The following PGM1 variants were observed in gnomAD, a reference collection of about 807,000 sequenced individuals.
PGM1 encodes the protein phosphoglucomutase 1, also known as phosphoglucomutase-1.
Under a neutral mutation model 55.6 loss-of-function variants are expected in PGM1, and 52 were observed. The ratio of observed to expected loss-of-function variants is 0.94; its 90% CI spans 0.75 to 1.18. The LOEUF (loss-of-function observed/expected upper bound fraction) is 1.18. Among genes scored for constraint, PGM1 ranks in the 50% most tolerant of loss-of-function variants. PGM1 has a pLI of 0.00. For missense variants in PGM1, 724 were observed against 729.3 expected (o/e 0.99, Z 0.08); for synonymous variants, 287 against 271.7 (o/e 1.06, Z -0.55).
At chr1:63,621,091 A>G (rs59209915) in intron 1 of PGM1, among the ~76,000 whole-genome samples, 7,448 of 152,146 alleles carry the variant, frequency 0.049, 555 homozygotes, top group African/African-American at 0.17. Context: ...GTTGAGTTCT[A>G]TAGTGTTCAT....
chr1:63,631,582 A>G (rs1453764668), intron 3 of PGM1, 75 bp from the exon 4 acceptor site: 19 of 1,402,806 alleles, frequency 1.4e-5, no homozygotes, highest in Non-Finnish European at 1.9e-5. Flanking sequence ...GTTTACAGCA[A>G]TATAGTCACA....
Position 63,606,294 on chromosome 1 carries a change from C to G in PGM1, c.246+12560C>G, listed in dbSNP as rs564564187. Among the ~76,000 whole-genome samples, 3 of 152,324 alleles carry G rather than the reference C, an allele frequency of 2.0e-5. No homozygotes were observed. In the East Asian group the frequency reaches 5.8e-4, roughly 29 times the overall value. The stretch of plus-strand genomic sequence containing the variant: ...ATTCTGTTTTGGTACAGAATACCAA[C>G]TTTTTTGTTAAAATGTAGGTTTGGC... On this transcript the variant is annotated intron_variant, in intron 1 of 10. Transcript: ENST00000371084.
At chr1:63,623,296 A>G (rs908806962) in intron 1 of PGM1, 3 of 1,451,602 alleles carry the variant, frequency 2.1e-6, no homozygotes, top group Non-Finnish European at 2.7e-6. Flanking sequence ...GACAACAACA[A>G]CAAGGAATTA....
rs56084088 is a variant in PGM1, at chr1:63,594,960, C to CA, written c.246+1241dup. Among the ~76,000 whole-genome samples the CA allele has an allele frequency of 5.2e-4, 48 of 93,084 alleles. 1 individual carries two copies. Among genetic ancestry groups the CA allele is most frequent in the Non-Finnish European group, 8.3e-4 (39 of 46,850 alleles). 61.1% of individuals were successfully genotyped at this position (93,084 alleles called of 152,430 possible). A position where few individuals can be genotyped will look rare whatever the true frequency, so the allele number is the denominator to read the frequency against. ...TCGGCGACAGAGCGAGACTCCGTCTCAAAAAAAAAAAAAAAGAAAAAAAAA... is the reference window on the plus strand; with the variant it reads ...TCGGCGACAGAGCGAGACTCCGTCTCAAAAAAAAAAAAAAAAGAAAAAAAAA... On this transcript the variant is annotated intron_variant, in intron 1 of 10. Coordinates refer to ENST00000371084, the MANE Select transcript of PGM1 (RefSeq NM_002633.3).
chr1:63,659,631 C>A lies in PGM1; in HGVS notation c.1645C>A (p.Leu549Met). The A allele has an allele frequency of 6.2e-7, 1 of 1,614,096 alleles. No individual in the cohort carries two copies. Among genetic ancestry groups the A allele is most frequent in the Non-Finnish European group, 8.5e-7 (1 of 1,179,984 alleles). Residue 549 changes from leucine (L) to methionine (M), a missense_variant, in exon 11 of 11, where the codon CTG (leucine) becomes ATG (methionine). Coordinates refer to ENST00000371084, the MANE Select transcript of PGM1 (RefSeq NM_002633.3). ...LISIALKVSQ[L>M]QERTGRTAPT... ...TTCCATTGCTCTGAAAGTGTCCCAG[C>A]TGCAGGAGAGGACGGGACGCACTGC...
intron 7 of PGM1, among the ~76,000 whole-genome samples, chr1:63,641,463 T>A (rs1007346666): frequency 6.6e-6 from 1 of 152,218 alleles, no homozygotes; most frequent in Non-Finnish European, 1.5e-5. Flanking sequence ...CGCCCCTTGC[T>A]AGTGAATGTT....
At chr1:63,651,585 C>G (rs1213555336) in intron 8 of PGM1, 84 bp from the exon 9 acceptor site, 66 of 1,339,124 alleles carry the variant, frequency 4.9e-5, no homozygotes, top group Non-Finnish European at 6.5e-5. Flanking sequence ...GAGGGCCAAA[C>G]AAATGATGAA....
intron 1 of PGM1, among the ~76,000 whole-genome samples, chr1:63,615,478 A>G (rs72920847): frequency 0.029 from 4,328 of 150,726 alleles, 188 homozygotes; most frequent in African/African-American, 0.099. Flanking sequence ...GCCAGACCAT[A>G]TAATTGAAAA....
chr1:63,642,492 ATGT>A (rs1236467359), intron 7 of PGM1, among the ~76,000 whole-genome samples: 1 of 152,198 alleles, frequency 6.6e-6, no homozygotes, highest in Non-Finnish European at 1.5e-5. Context: ...GATTATGTAC[ATGT>A]TTATACACAA....
chr1:63,620,641 G>A (rs759613166), intron 1 of PGM1, among the ~76,000 whole-genome samples: 4 of 152,128 alleles, frequency 2.6e-5, no homozygotes, highest in Admixed American at 6.5e-5. Context: ...GTAAGTCTAC[G>A]GTTTCTGCTA....
intron 1 of PGM1, among the ~76,000 whole-genome samples, chr1:63,628,383 G>A (rs1649095015): frequency 6.6e-6 from 1 of 152,152 alleles, no homozygotes; most frequent in Non-Finnish European, 1.5e-5. Flanking sequence ...GAGGTGGTTG[G>A]TAGTGGAGTG....
rs1188346267 is a variant in PGM1 at position 63,627,068 on chromosome 1, CA to C, written c.247-2356del. ...ATATGGCAGGACCCCCCCCCCCCCACACACACACACACTTTTAAGGCTGAAT... is the reference window on the plus strand; with the variant it reads ...ATATGGCAGGACCCCCCCCCCCCCACCACACACACACTTTTAAGGCTGAAT... On this transcript the variant is annotated intron_variant, in intron 1 of 10. Transcript: ENST00000371084. Among the ~76,000 whole-genome samples, 63 of 78,360 alleles carry C rather than the reference CA, an allele frequency of 8.0e-4. 1 individual carries two copies. The East Asian group carries it at 0.034, about 43-fold the overall frequency. The allele number at this position is 78,360 out of a possible 152,430, so 51.4% of individuals were successfully genotyped here.
chr1:63,623,179 T>C, intron 1 of PGM1: 1 of 1,218,804 alleles, frequency 8.2e-7, no homozygotes, highest in South Asian at 2.6e-5. Context: ...AATTGAAGGG[T>C]ATTTGGCTTG....
chr1:63,594,788 CAAAAAAAAAAAA>C (rs34661751), intron 1 of PGM1, among the ~76,000 whole-genome samples: 2 of 90,528 alleles, frequency 2.2e-5, no homozygotes, highest in Admixed American at 1.3e-4. Context: ...CTAAAAAATA[CAAAAAAAAAAAA>C]AAAAAAAAAA....
intron 4 of PGM1, among the ~76,000 whole-genome samples, chr1:63,633,932 A>ATTTTTTT: frequency 2.8e-5 from 1 of 35,360 alleles, no homozygotes; most frequent in African/African-American, 1.6e-4. Flanking sequence ...ATATATATAT[A>ATTTTTTT]TTTTTTTTTT....
chr1:63,611,563 T>C (rs1256734553), intron 1 of PGM1, among the ~76,000 whole-genome samples: 1 of 152,136 alleles, frequency 6.6e-6, no homozygotes. Context: ...AATTCTCTTA[T>C]GGCCCTGAGG....
In PGM1 at chr1:63,660,099, C is replaced by G. The variant is rs1210507158; in HGVS notation, c.*424C>G. The G allele has an allele frequency of 4.1e-6, 1 of 243,238 alleles. No homozygotes were observed. Among genetic ancestry groups the G allele is most frequent in the Non-Finnish European group, 8.3e-6 (1 of 120,222 alleles). 15.1% of individuals were successfully genotyped at this position (243,238 alleles called of 1,614,324 possible). ...CCCCCCATTTCCTGTTTACATGTAA[C>G]CCAACAAAATGCAATTTCTAGTGCC... On this transcript the variant is annotated 3_prime_UTR_variant, in exon 11 of 11. Transcript: ENST00000371084.
Position 63,629,433 on chromosome 1 carries a change from C to T in PGM1, c.255C>T (p.Arg85=), listed in dbSNP as rs1649128831. The T allele has an allele frequency of 1.9e-6, 3 of 1,613,310 alleles. No individual in the cohort carries two copies. The highest frequency in any genetic ancestry group is 2.2e-5 in the East Asian group (1 of 44,886). Residue 85 remains arginine, a synonymous_variant, in exon 2 of 11, where the codon CGC becomes CGT. Transcript: ENST00000371084. ...TGGATTTCTTCTCCTAGATCGGTCG[C>T]TTGGTTATCGGACAGAATGGAATCC... ...ARIAAANGIG[R]LVIGQNGILS... is the part of the protein sequence containing the mutation.
chr1:63,644,517 C>T lies in PGM1; in HGVS notation c.1145-4000C>T, dbSNP rs185178899. Reference sequence around the variant, plus strand: ...TTAGGTTATATTCTTCCATTTTCTTCTCCAATATGTACAATCAAGGAGCAT... The same window carrying T: ...TTAGGTTATATTCTTCCATTTTCTTTTCCAATATGTACAATCAAGGAGCAT... On this transcript the variant is annotated intron_variant, in intron 7 of 10. Transcript: ENST00000371084. Among the ~76,000 whole-genome samples the T allele has an allele frequency of 5.1e-4, 77 of 152,316 alleles. 1 individual carries two copies. Among genetic ancestry groups the T allele is most frequent in the Non-Finnish European group, 5.7e-4 (39 of 68,028 alleles).
Sources: gnomAD v4.1 joint callset for allele counts (sites outside exome capture counted in the v4.1 genomes callset) on GRCh38, gnomAD v4.1.1 for gene constraint, MANE v1.5 for transcripts, NCBI Gene and HGNC (gene_info 2026-07-23, HGNC 2026-07-21) for gene names.